The following PARD3B variants were observed in gnomAD, a reference collection of about 807,000 sequenced individuals.
PARD3B encodes partitioning defective 3 homolog B.
PARD3B carries 103 observed loss-of-function variants against 130.2 expected under a neutral mutation model. The observed-to-expected ratio is 0.79, with a 90% CI of 0.67 to 0.93. PARD3B has a LOEUF of 0.93. Ranked by LOEUF, PARD3B falls within the 40% of genes least tolerant of loss-of-function variation. The probability of loss-of-function intolerance (pLI) is 0.00; values close to 1 mark genes in which losing one functional copy is unlikely to be tolerated. For missense variants in PARD3B, 1,609 were observed against 1,499.2 expected, an observed-to-expected ratio of 1.07 and a Z score of -1.21; for synonymous variants, 583 against 553.2, an observed-to-expected ratio of 1.05 and a Z score of -0.76.
At chr2:204,578,778 G>C (rs116454730) in intron 1 of PARD3B, among the ~76,000 whole-genome samples, 1 of 152,052 alleles carries the variant, frequency 6.6e-6, no homozygotes, top group African/African-American at 2.4e-5. Context: ...GGATGTTTCC[G>C]GAGATCACGG....
chr2:204,780,861 G>T (rs1266030319), intron 2 of PARD3B, among the ~76,000 whole-genome samples: 1 of 151,736 alleles, frequency 6.6e-6, no homozygotes, highest in Non-Finnish European at 1.5e-5. Context: ...ATTCTGAGAA[G>T]TTCCATCTGA....
In PARD3B at chr2:205,069,498, T is replaced by C. The variant is rs545437552; in HGVS notation, c.504+21808T>C. On this transcript the variant is annotated intron_variant, in intron 4 of 22. Coordinates refer to ENST00000406610, the MANE Select transcript of PARD3B (RefSeq NM_001302769.2). ...ATTGAAGTGACAGGTTTTCCCCACCTTTTTTCTCTTTGTTTCAAATCTACA... is the reference window on the plus strand; with the variant it reads ...ATTGAAGTGACAGGTTTTCCCCACCCTTTTTCTCTTTGTTTCAAATCTACA... 3.9e-5 allele frequency among the ~76,000 whole-genome samples: 6 copies of C among 152,272 alleles called. 1 individual carries two copies. Among genetic ancestry groups the C allele is most frequent in the African/African-American group, 1.4e-4 (6 of 41,552 alleles).
intron 15 of PARD3B, among the ~76,000 whole-genome samples, chr2:205,208,591 C>A (rs944072586): frequency 7.0e-6 from 1 of 142,816 alleles, no homozygotes; most frequent in African/African-American, 2.7e-5. Context: ...AAACAGAGAG[C>A]CAAATCATGA....
intron 2 of PARD3B, among the ~76,000 whole-genome samples, chr2:204,828,951 T>G (rs541794060): frequency 6.6e-6 from 1 of 152,322 alleles, no homozygotes; most frequent in Admixed American, 6.5e-5. Context: ...TAAGGGCCTG[T>G]GCATTCCAGC....
At chr2:204,738,478 T>C (rs1270200457) in intron 2 of PARD3B, among the ~76,000 whole-genome samples, 1 of 152,196 alleles carries the variant, frequency 6.6e-6, no homozygotes, top group Non-Finnish European at 1.5e-5. Context: ...ATTAGCTTTA[T>C]ATTTTTGCGT....
At chr2:204,815,352 T>C (rs184163761) in intron 2 of PARD3B, among the ~76,000 whole-genome samples, 49 of 152,118 alleles carry the variant, frequency 3.2e-4, no homozygotes, top group African/African-American at 9.1e-4. Flanking sequence ...TTGTATTATG[T>C]ATAGACTCTG....
chr2:204,571,551 G>A (rs1024458275), intron 1 of PARD3B, among the ~76,000 whole-genome samples: 2 of 152,074 alleles, frequency 1.3e-5, no homozygotes, highest in African/African-American at 4.8e-5. Flanking sequence ...CCATAAGTAG[G>A]GTTAAGCCCT....
chr2:204,847,408 AT>A (rs2044509086), intron 2 of PARD3B, among the ~76,000 whole-genome samples: 1 of 152,224 alleles, frequency 6.6e-6, no homozygotes, highest in Non-Finnish European at 1.5e-5. Flanking sequence ...TTAACATGGC[AT>A]AATTAATAAG....
chr2:205,285,800 A>C (rs1411640634), intron 16 of PARD3B, among the ~76,000 whole-genome samples: 3 of 152,060 alleles, frequency 2.0e-5, no homozygotes, highest in South Asian at 4.2e-4. Context: ...GATGCTTTTG[A>C]GTTTTGCATT....
At chr2:205,227,427 A>G (rs1436116508) in intron 15 of PARD3B, among the ~76,000 whole-genome samples, 3 of 152,140 alleles carry the variant, frequency 2.0e-5, no homozygotes, top group Non-Finnish European at 4.4e-5. Flanking sequence ...TTATCATTAT[A>G]TAGTGACCTT....
intron 16 of PARD3B, among the ~76,000 whole-genome samples, chr2:205,299,106 G>A (rs2041896295): frequency 6.6e-6 from 1 of 152,130 alleles, no homozygotes; most frequent in South Asian, 2.1e-4. Context: ...TATTCATTAT[G>A]TTGACTATTT....
At chr2:205,193,456 G>A in intron 15 of PARD3B, 136 bp downstream of exon 15, 1 of 629,050 alleles carries the variant, frequency 1.6e-6, no homozygotes, top group East Asian at 2.8e-5. Flanking sequence ...AGGGATAATG[G>A]CCATCCCACC....
In PARD3B at chr2:205,121,316, C is replaced by T. The variant is rs1050446322; in HGVS notation, c.807-275C>T. Among the ~76,000 whole-genome samples, 17 of 152,108 alleles carry T rather than the reference C, an allele frequency of 1.1e-4. No individual in the cohort carries two copies. The highest frequency in any genetic ancestry group is 3.6e-4 in the African/African-American group (15 of 41,420). On this transcript the variant is annotated intron_variant, in intron 7 of 22. Transcript: ENST00000406610. This position sits in a 1 kb window ranked among gnomAD's most constrained non-coding sequence, Gnocchi z 5.0. ...CTCTCTGAGCCTCAACTTCCATGTC[C>T]GTGAAATGAAAGCTATTTATACTTA...
chr2:205,302,172 G>A (rs576971772), intron 18 of PARD3B, among the ~76,000 whole-genome samples: 6 of 135,798 alleles, frequency 4.4e-5, no homozygotes, highest in South Asian at 5.0e-4. Flanking sequence ...GGGTTCAAGC[G>A]ATTCTTCTGC....
At position 205,563,512 on chromosome 2, in the gene PARD3B, C is replaced by T. The variant is rs1044463158; in HGVS notation, c.3260+10109C>T. Reference sequence around the variant, plus strand: ...GGCAAGTCAAGGAGAGGTTGGAATGCTTACATCATCTGTTTTCATAAGTAA... The same window carrying T: ...GGCAAGTCAAGGAGAGGTTGGAATGTTTACATCATCTGTTTTCATAAGTAA... On this transcript the variant is annotated intron_variant, in intron 22 of 22. Transcript: ENST00000406610. The surrounding 1 kb of genome is among the most constrained non-coding windows in gnomAD (Gnocchi z 4.2). 3.9e-5 allele frequency among the ~76,000 whole-genome samples: 6 copies of T among 152,128 alleles called. No homozygotes were observed. Among genetic ancestry groups the T allele is most frequent in the Non-Finnish European group, 7.3e-5 (5 of 68,034 alleles).
At chr2:205,222,588 T>G (rs2125874638) in intron 15 of PARD3B, among the ~76,000 whole-genome samples, 1 of 152,360 alleles carries the variant, frequency 6.6e-6, no homozygotes, top group South Asian at 2.1e-4. Context: ...AAAACATACA[T>G]TATAAATAGT....
chr2:204,600,588 G>A (rs1049969890), intron 1 of PARD3B, among the ~76,000 whole-genome samples: 4 of 151,740 alleles, frequency 2.6e-5, no homozygotes, highest in Admixed American at 2.6e-4. Flanking sequence ...TTTGAAGTCT[G>A]GTACTGTGAT....
intron 12 of PARD3B, among the ~76,000 whole-genome samples, chr2:205,172,777 A>G (rs2035248218): frequency 1.3e-5 from 2 of 152,178 alleles, no homozygotes; most frequent in Admixed American, 6.5e-5. Context: ...CTCTTCCATA[A>G]TCTGCATATA....
chr2:205,496,005 A>G (rs138797933), intron 20 of PARD3B, among the ~76,000 whole-genome samples: 28 of 152,278 alleles, frequency 1.8e-4, no homozygotes, highest in African/African-American at 6.5e-4. Flanking sequence ...ATTCTTTCCC[A>G]ATTACAGCAT....
Sources: gnomAD v4.1 joint callset for allele counts (sites outside exome capture counted in the v4.1 genomes callset) on GRCh38, gnomAD v4.1.1 for gene constraint, Gnocchi (gnomAD v3.1) non-coding constraint, MANE v1.5 for transcripts, NCBI Gene and HGNC (gene_info 2026-07-23, HGNC 2026-07-21) for gene names.